Variants in TENM3 observed in about 807,000 individuals in gnomAD.
TENM3 encodes teneurin-3.
Under a neutral mutation model 255.1 loss-of-function variants are expected in TENM3, and 63 were observed. That is an observed-to-expected ratio of 0.25 (90% CI 0.20 to 0.30). The LOEUF is 0.30. TENM3 is among the 10% of genes least tolerant of loss of function. The probability of loss-of-function intolerance (pLI) is 1.00; values close to 1 mark genes in which losing one functional copy is unlikely to be tolerated. For missense variants in TENM3, 2,929 were observed against 3,461.1 expected (o/e 0.85, Z 3.86); for synonymous variants, 1,306 against 1,322.3 (o/e 0.99, Z 0.27).
At chr4:182,489,261 GT>G (rs35294261) in intron 3 of TENM3, among the ~76,000 whole-genome samples, 36,525 of 152,010 alleles carry the variant, frequency 0.24, 5,291 homozygotes, top group South Asian at 0.34. Flanking sequence ...AAGGGAAAAT[GT>G]GTCCTCTCAA....
chr4:182,084,354 A>G, the TENM3 span, among the ~76,000 whole-genome samples: 2 of 152,184 alleles, frequency 1.3e-5, no homozygotes, highest in East Asian at 3.9e-4. Flanking sequence ...ATCACTTTAC[A>G]CCAGAAGGTG....
chr4:182,240,524 G>A (rs7669129), upstream of TENM3, among the ~76,000 whole-genome samples: 67,711 of 151,776 alleles, frequency 0.45, 15,800 homozygotes, highest in African/African-American at 0.55. Context: ...GATAAAAGGG[G>A]AGATGTAGAC....
At chr4:181,752,319 G>A in the TENM3 span, among the ~76,000 whole-genome samples, 1 of 152,264 alleles carries the variant, frequency 6.6e-6, no homozygotes, top group East Asian at 1.9e-4. Flanking sequence ...GGAGGCCGAG[G>A]CGGGCAGATC....
chr4:181,866,649 C>G, the TENM3 span, among the ~76,000 whole-genome samples: 4 of 152,162 alleles, frequency 2.6e-5, no homozygotes, highest in Non-Finnish European at 5.9e-5. Flanking sequence ...ATCAGGCCAG[C>G]TCCATTGCCC....
At chr4:182,075,151 T>A in the TENM3 span, among the ~76,000 whole-genome samples, 3 of 151,396 alleles carry the variant, frequency 2.0e-5, no homozygotes, top group Non-Finnish European at 2.9e-5. Context: ...CGTGGCAGAG[T>A]GGCAGAAATC....
chr4:182,726,343 T>A (rs551395004), intron 13 of TENM3, among the ~76,000 whole-genome samples: 19 of 69,938 alleles, frequency 2.7e-4, no homozygotes, highest in Non-Finnish European at 5.1e-4. Context: ...TACGTTTCTA[T>A]AACTGAAAAG....
intron 1 of TENM3, among the ~76,000 whole-genome samples, chr4:182,255,703 G>T (rs1758345597): frequency 6.6e-6 from 1 of 152,182 alleles, no homozygotes; most frequent in Non-Finnish European, 1.5e-5. Context: ...CACACAGCCT[G>T]CCAGAATTGG....
chr4:182,790,769 A>C (rs1392633002), intron 25 of TENM3, among the ~76,000 whole-genome samples: 1 of 152,238 alleles, frequency 6.6e-6, no homozygotes, highest in Non-Finnish European at 1.5e-5. Context: ...CATTACAGAG[A>C]AGAATAACAG....
the TENM3 span, among the ~76,000 whole-genome samples, chr4:181,786,385 G>A: frequency 6.6e-6 from 1 of 152,162 alleles, no homozygotes; most frequent in Non-Finnish European, 1.5e-5. Context: ...TACAAAATAT[G>A]AGCTCAGAGG....
At chr4:182,077,621 A>T in the TENM3 span, among the ~76,000 whole-genome samples, 1 of 152,210 alleles carries the variant, frequency 6.6e-6, no homozygotes, top group African/African-American at 2.4e-5. Context: ...TTGAATCAAG[A>T]TCCATTTATT....
chr4:182,608,916 C>A (rs2152427060), intron 4 of TENM3, among the ~76,000 whole-genome samples: 1 of 152,330 alleles, frequency 6.6e-6, no homozygotes, highest in Admixed American at 6.5e-5. Context: ...TTCCCTATGG[C>A]ACTCGGTGCC....
intron 6 of TENM3, among the ~76,000 whole-genome samples, chr4:182,655,145 CAT>C (rs1581226387): frequency 2.0e-5 from 3 of 152,192 alleles, no homozygotes; most frequent in African/African-American, 7.2e-5. Flanking sequence ...ACATTAATAA[CAT>C]ATATAAACAA....
the TENM3 span, among the ~76,000 whole-genome samples, chr4:181,678,719 A>G: frequency 6.6e-6 from 1 of 151,920 alleles, no homozygotes; most frequent in African/African-American, 2.4e-5. Flanking sequence ...TTCTATATAT[A>G]TATACTTTTG....
intron 1 of TENM3, among the ~76,000 whole-genome samples, chr4:182,321,023 T>A (rs1047223700): frequency 3.3e-5 from 5 of 152,224 alleles, no homozygotes; most frequent in Non-Finnish European, 7.3e-5. Context: ...GAAACTTTTA[T>A]AATGACTTCA....
chr4:182,073,140 A>G, the TENM3 span, among the ~76,000 whole-genome samples: 1 of 152,230 alleles, frequency 6.6e-6, no homozygotes, highest in Non-Finnish European at 1.5e-5. Flanking sequence ...ACTTACAATC[A>G]TGGCAGGAGG....
chr4:182,098,685 G>A, the TENM3 span, among the ~76,000 whole-genome samples: 4 of 152,146 alleles, frequency 2.6e-5, no homozygotes, highest in South Asian at 2.1e-4. Flanking sequence ...TAGTGGGAAA[G>A]GGGAGATAAG....
the TENM3 span, among the ~76,000 whole-genome samples, chr4:182,101,885 C>CAT: frequency 4.7e-4 from 72 of 152,170 alleles, no homozygotes; most frequent in African/African-American, 1.6e-3. Context: ...CATTGTGCCC[C>CAT]ATATATATAC....
At chr4:182,095,193 G>A in the TENM3 span, among the ~76,000 whole-genome samples, 1 of 152,100 alleles carries the variant, frequency 6.6e-6, no homozygotes, top group African/African-American at 2.4e-5. Flanking sequence ...CCAAAAGAAA[G>A]GAAATCAGTG....
intron 13 of TENM3, among the ~76,000 whole-genome samples, chr4:182,727,801 C>G (rs1760341861): frequency 6.6e-6 from 1 of 150,668 alleles, no homozygotes; most frequent in African/African-American, 2.4e-5. Flanking sequence ...AGTCCAGGCT[C>G]TTGTTTAAAA....
Sources: allele counts gnomAD v4.1 joint callset (sites outside exome capture counted in the v4.1 genomes callset), GRCh38; gene constraint gnomAD v4.1.1; transcripts MANE v1.5; gene names NCBI Gene and HGNC (gene_info 2026-07-23, HGNC 2026-07-21).